Variants in CRIM1 observed in about 807,000 individuals in gnomAD.
CRIM1 encodes the protein cysteine rich transmembrane BMP regulator 1.
A neutral mutation model predicts 116.4 loss-of-function variants in CRIM1; 32 were observed. The ratio of observed to expected loss-of-function variants is 0.27; its 90% CI spans 0.21 to 0.37. CRIM1 has a LOEUF of 0.37. Ranked by LOEUF, CRIM1 falls within the 10% of genes least tolerant of loss-of-function variation. The pLI, the probability that CRIM1 is intolerant of heterozygous loss-of-function variation, is 1.00. For synonymous variants in CRIM1, 590 were observed against 509.2 expected, an observed-to-expected ratio of 1.16 and a Z score of -2.13; for missense variants, 1,331 against 1,354.8, an observed-to-expected ratio of 0.98 and a Z score of 0.28.
Position 36,499,294 on chromosome 2 carries a change from T to G in CRIM1, c.1448T>G (p.Ile483Ser), listed in dbSNP as rs1680821980. The change falls in exon 8 of 17, where the codon ATT (isoleucine) becomes AGT (serine). Residue 483 changes from isoleucine (I) to serine (S), a missense_variant. Ile to Ser is a moderately radical substitution (Grantham distance 142, BLOSUM62 -2). Coordinates refer to ENST00000280527, the MANE Select transcript of CRIM1 (RefSeq NM_016441.3). The stretch of plus-strand genomic sequence containing the variant: ...TGCACTCTGACAGGGAAGGACTGCA[T>G]TAATGGTTTCAAACGCGATCACAAT... Reference protein sequence around the residue: ...SNCTLTGKDCINGFKRDHNGC... With the variant: ...SNCTLTGKDCSNGFKRDHNGC... 3.1e-6 allele frequency: 5 copies of G among 1,613,988 alleles called. No individual in the cohort carries two copies. The highest frequency in any genetic ancestry group is 1.3e-5 in the African/African-American group (1 of 74,946).
At chr2:36,547,380 T>C (rs545576107) in intron 16 of CRIM1, among the ~76,000 whole-genome samples, 1 of 152,174 alleles carries the variant, frequency 6.6e-6, no homozygotes, top group Admixed American at 6.5e-5. Context: ...CCATTATCCA[T>C]TGGTTAATGA....
intron 2 of CRIM1, among the ~76,000 whole-genome samples, chr2:36,431,076 AC>A (rs1674852064): frequency 6.6e-6 from 1 of 151,996 alleles, no homozygotes; most frequent in African/African-American, 2.4e-5. Flanking sequence ...GTGTGTGTGT[AC>A]CCATGCCTAT....
chr2:36,479,363 C>T, intron 6 of CRIM1, 134 bp from the exon 7 acceptor site: 2 of 800,340 alleles, frequency 2.5e-6, no homozygotes, highest in Non-Finnish European at 4.0e-6. Flanking sequence ...CTCATGCAAC[C>T]CTGCGCTTCT....
chr2:36,536,889 A>G (rs568655082), intron 13 of CRIM1, among the ~76,000 whole-genome samples: 6 of 152,260 alleles, frequency 3.9e-5, no homozygotes, highest in African/African-American at 1.4e-4. Flanking sequence ...GCATCCCTGG[A>G]AAATGAAGGA....
intron 2 of CRIM1, among the ~76,000 whole-genome samples, chr2:36,421,184 T>C (rs1000194566): frequency 6.6e-6 from 1 of 152,214 alleles, no homozygotes; most frequent in Non-Finnish European, 1.5e-5. Context: ...AGAGATACTT[T>C]CCAAAGAAGT....
intron 13 of CRIM1, among the ~76,000 whole-genome samples, chr2:36,535,389 C>T (rs1299222020): frequency 1.3e-5 from 2 of 152,152 alleles, no homozygotes; most frequent in Non-Finnish European, 2.9e-5. Context: ...GAACTTCTAT[C>T]ATGAGTTTCT....
chr2:36,460,981 G>A (rs1038748987), intron 4 of CRIM1, among the ~76,000 whole-genome samples: 1 of 152,154 alleles, frequency 6.6e-6, no homozygotes, highest in African/African-American at 2.4e-5. Context: ...GGACTTATTT[G>A]GAGAAAAGAG....
chr2:36,524,974 C>T (rs1453976893), intron 13 of CRIM1, among the ~76,000 whole-genome samples: 2 of 152,046 alleles, frequency 1.3e-5, no homozygotes, highest in African/African-American at 4.8e-5. Context: ...CATATGAGCT[C>T]GTAATGGTAT....
At chr2:36,545,722 G>A (rs1352720836) in intron 15 of CRIM1, among the ~76,000 whole-genome samples, 2 of 152,088 alleles carry the variant, frequency 1.3e-5, no homozygotes, top group African/African-American at 2.4e-5. Context: ...GACCTCACTT[G>A]CAGCTTCATT....
intron 2 of CRIM1, among the ~76,000 whole-genome samples, chr2:36,414,932 A>C (rs982047364): frequency 6.6e-6 from 1 of 152,186 alleles, no homozygotes; most frequent in African/African-American, 2.4e-5. Context: ...AGATGAGAGG[A>C]TGCCCTTTTT....
rs72868413 is a variant in CRIM1, at chr2:36,540,638, G to C, written c.2623+3092G>C. Among the ~76,000 whole-genome samples, 1,068 of 152,252 alleles carry C rather than the reference G, an allele frequency of 7.0e-3. 14 individuals are homozygous for C. Among genetic ancestry groups the C allele is most frequent in the African/African-American group, 0.024 (1,008 of 41,550 alleles). On this transcript the variant is annotated intron_variant, in intron 14 of 16. Transcript: ENST00000280527. The stretch of plus-strand genomic sequence containing the variant: ...CCTTAATTATCAAATGAAGAGTGTA[G>C]ATTTTGTTCTTTATAGGGAATGGGG...
At chr2:36,490,182 T>A (rs1279464073) in intron 7 of CRIM1, among the ~76,000 whole-genome samples, 3 of 152,202 alleles carry the variant, frequency 2.0e-5, no homozygotes, top group African/African-American at 7.2e-5. Context: ...TAATTAGCCA[T>A]TACCTGAGAC....
intron 1 of CRIM1, among the ~76,000 whole-genome samples, chr2:36,389,118 TG>T (rs1338846155): frequency 6.6e-6 from 1 of 150,852 alleles, no homozygotes; most frequent in Non-Finnish European, 1.5e-5. Flanking sequence ...TTTGTGGAAA[TG>T]TCTGTAAAAT....
chr2:36,529,783 A>G (rs1665991399), intron 13 of CRIM1, among the ~76,000 whole-genome samples: 1 of 152,192 alleles, frequency 6.6e-6, no homozygotes, highest in Non-Finnish European at 1.5e-5. Flanking sequence ...AGCCTGAGCA[A>G]TCACCTATTT....
At chr2:36,459,769 TTGAG>T (rs1163729545) in intron 4 of CRIM1, among the ~76,000 whole-genome samples, 1 of 152,038 alleles carries the variant, frequency 6.6e-6, no homozygotes, top group Non-Finnish European at 1.5e-5. Flanking sequence ...TGGCAGGTGA[TTGAG>T]TGACATCAGA....
At chr2:36,499,380 A>C in intron 8 of CRIM1, 33 bp downstream of exon 8, 1 of 1,605,432 alleles carries the variant, frequency 6.2e-7, no homozygotes. Flanking sequence ...GTTTTTTCTG[A>C]GGCCTAATAT....
At chr2:36,439,990 G>A (rs975279561) in intron 2 of CRIM1, among the ~76,000 whole-genome samples, 2 of 152,278 alleles carry the variant, frequency 1.3e-5, no homozygotes, top group Admixed American at 6.5e-5. Context: ...AGTATGAAGA[G>A]TCTCCTATAT....
In CRIM1 at chr2:36,476,996, T is replaced by A; in HGVS notation, c.1099T>A (p.Phe367Ile). The change falls in exon 6 of 17, where the codon TTC (phenylalanine) becomes ATC (isoleucine). Residue 367 changes from phenylalanine to isoleucine, a missense_variant. Phe to Ile is a conservative substitution (Grantham distance 21, BLOSUM62 0). Around this residue, in one of 3 missense-constraint regions of CRIM1, gnomAD observed 690 missense variants for 676.0 expected, o/e 1.02. Coordinates refer to ENST00000280527, the MANE Select transcript of CRIM1 (RefSeq NM_016441.3). Reference protein sequence around the residue: ...CRCQGGVAICFTAQCGEINCE... With the variant: ...CRCQGGVAICITAQCGEINCE... ...ATGCCAAGGGGGCGTTGCCATCTGC[T>A]TCACCGCCCAGTGTGGTGAGATAAA... 6.2e-7 allele frequency: 1 copy of A among 1,614,112 alleles called. No homozygotes were observed. The highest frequency in any genetic ancestry group is 8.5e-7 in the Non-Finnish European group (1 of 1,179,936).
chr2:36,432,416 G>T (rs144343359), intron 2 of CRIM1, among the ~76,000 whole-genome samples: 29 of 152,236 alleles, frequency 1.9e-4, no homozygotes, highest in African/African-American at 6.7e-4. Context: ...CTGGGAGTAG[G>T]TTGGATATAT....
Sources: allele counts gnomAD v4.1 joint callset (sites outside exome capture counted in the v4.1 genomes callset), GRCh38; gene constraint gnomAD v4.1.1; regional missense constraint gnomAD v4.1.1; transcripts MANE v1.5; gene names NCBI Gene and HGNC (gene_info 2026-07-23, HGNC 2026-07-21).